Variants in NCOR1 observed in about 807,000 individuals in gnomAD.
NCOR1 encodes the protein protein phosphatase 1, regulatory subunit 109.
In NCOR1, 63 loss-of-function variants were observed where a neutral mutation model predicts 288.1. The ratio of observed to expected loss-of-function variants is 0.22; its 90% confidence interval spans 0.18 to 0.27. NCOR1 has a LOEUF of 0.27. Ranked by LOEUF, NCOR1 falls within the 10% of genes least tolerant of loss-of-function variation. The pLI, the probability that NCOR1 is intolerant of heterozygous loss-of-function variation, is 1.00. For missense variants in NCOR1, 2,397 were observed against 3,019.2 expected (o/e 0.79, Z 4.83); for synonymous variants, 1,007 against 1,065.9 (o/e 0.94, Z 1.08).
intron 1 of NCOR1, among the ~76,000 whole-genome samples, chr17:16,208,829 C>A (rs900619221): frequency 6.6e-6 from 1 of 151,792 alleles, no homozygotes; most frequent in Non-Finnish European, 1.5e-5. Context: ...CAGAGACAGA[C>A]CCTCTGTAAA....
Position 16,034,925 on chromosome 17 carries a change from C to T in NCOR1, c.6975G>A (p.Lys2325=). 5 of 1,613,902 alleles carry T rather than the reference C, an allele frequency of 3.1e-6. No homozygotes were observed. The highest frequency in any genetic ancestry group is 3.4e-6 in the Non-Finnish European group (4 of 1,179,970). ...TCCTGCTGTTTGACTTGCTGATCAG[C>T]TTTGGTTTGCAAACTCCTCCTGAAA... ...SPHSGGVCKP[K]LISKSNSRKS... The change falls in exon 45 of 46, where the codon AAG becomes AAA. Residue 2325 remains lysine (K), a synonymous_variant. Coordinates refer to ENST00000268712, the MANE Select transcript of NCOR1 (RefSeq NM_006311.4).
intron 2 of NCOR1, among the ~76,000 whole-genome samples, chr17:16,193,821 G>C (rs2089160225): frequency 6.6e-6 from 1 of 152,092 alleles, no homozygotes; most frequent in Non-Finnish European, 1.5e-5. Context: ...GGAGTCCTCA[G>C]GAGGACCCTG....
rs757508196 is a variant in NCOR1, at chr17:16,138,263, C to T, written c.1353-51G>A. ...CACTTGCGTACAAATATTTCAACAA[C>T]TAAAAAAAAAAAAACTTGGGAAAAG... On this transcript the variant is annotated intron_variant, in intron 12 of 45. Transcript: ENST00000268712. The T allele has an allele frequency of 6.4e-6, 9 of 1,406,550 alleles. No individual in the cohort carries two copies. In the African/African-American group the frequency reaches 8.9e-5, roughly 14 times the overall value. The allele number at this position is 1,406,550 out of a possible 1,614,324, so 87.1% of individuals were successfully genotyped here.
At chr17:16,072,700 C>T (rs1278849016) in intron 28 of NCOR1, among the ~76,000 whole-genome samples, 1 of 152,148 alleles carries the variant, frequency 6.6e-6, no homozygotes, top group Admixed American at 6.5e-5. Flanking sequence ...AAATATAAAT[C>T]AAGGGTTAGA....
At chr17:16,153,311 A>T (rs1160743528) in intron 7 of NCOR1, 28 bp downstream of exon 7, 6 of 1,506,740 alleles carry the variant, frequency 4.0e-6, no homozygotes, top group Non-Finnish European at 5.4e-6. Context: ...AAAAAAAAAA[A>T]TCACTGGAAA....
Position 16,064,065 on chromosome 17 carries a change from G to A in NCOR1, c.5221+3C>T, listed in dbSNP as rs2060840714. ...GAATGGAAGAGCAGTGCCTTTCACT[G>A]ACCTGGCCGCAGGTAGAGGTCGGAG... On this transcript the variant is annotated splice_donor_region_variant and intron_variant, in intron 35 of 45. Coordinates refer to ENST00000268712, the MANE Select transcript of NCOR1 (RefSeq NM_006311.4). 6.2e-7 allele frequency: 1 copy of A among 1,613,750 alleles called. No homozygotes were observed. Among genetic ancestry groups the A allele is most frequent in the African/African-American group, 1.3e-5 (1 of 74,890 alleles).
Position 16,071,422 on chromosome 17 carries a change from C to T in NCOR1, c.4139G>A (p.Gly1380Asp), listed in dbSNP as rs1408063489. The change falls in exon 30 of 46, where the codon GGT (glycine) becomes GAT (aspartate). Residue 1380 changes from glycine (G) to aspartate (D), a missense_variant. By Grantham distance (94) the Gly-to-Asp change is moderately conservative. Coordinates refer to ENST00000268712, the MANE Select transcript of NCOR1 (RefSeq NM_006311.4). ...AAACTTAGTTACCTGGGAAATGGAA[C>T]CCTCAATTATCGGCCGTGTGCTCTG... ...VVQSTRPIIE[G>D]SISQGTPIKF... 1.2e-6 allele frequency: 2 copies of T among 1,608,936 alleles called. No individual in the cohort carries two copies. Among genetic ancestry groups the T allele is most frequent in the Non-Finnish European group, 1.7e-6 (2 of 1,177,296 alleles).
rs1277428946 is a variant in NCOR1, at chr17:16,061,659, T to C, written c.5623A>G (p.Lys1875Glu). ...QLEQKTLEVEKRSVQCLYTSS... is the reference protein window; with the variant it reads ...QLEQKTLEVEERSVQCLYTSS... ...GTGTATAAACACTGAACAGATCTCT[T>C]CTCCACCTCCAGGGTTTTCTGCTCT... The change falls in exon 37 of 46, where the codon AAG becomes GAG. Residue 1875 changes from lysine to glutamate, a missense_variant. By Grantham distance (56) the Lys-to-Glu change is moderately conservative. Around this residue, in one of 11 missense-constraint regions of NCOR1, gnomAD observed 1,872 missense variants for 2,187.8 expected, o/e 0.86. Transcript: ENST00000268712. The C allele has an allele frequency of 6.2e-7, 1 of 1,614,200 alleles. No homozygotes were observed. Among genetic ancestry groups the C allele is most frequent in the East Asian group, 2.2e-5 (1 of 44,892 alleles).
At chr17:16,139,227 T>C (rs372504330) in intron 11 of NCOR1, 41 bp from the exon 12 acceptor site, 3 of 1,566,860 alleles carry the variant, frequency 1.9e-6, no homozygotes, top group East Asian at 2.3e-5. Flanking sequence ...AAACATAAAC[T>C]AGAAATTTAA....
chr17:16,108,349 G>GTTT, intron 19 of NCOR1: 7 of 211,678 alleles, frequency 3.3e-5, no homozygotes, highest in Admixed American at 5.5e-5. Context: ...TAAGTTTCGT[G>GTTT]TTTTTTTTTT....
In NCOR1 at chr17:16,039,590, A is replaced by G. The variant is rs371002943; in HGVS notation, c.6798T>C (p.Ile2266=). The change falls in exon 44 of 46, where the codon ATT becomes ATC. Residue 2266 remains isoleucine (I), a synonymous_variant. Coordinates refer to ENST00000268712, the MANE Select transcript of NCOR1 (RefSeq NM_006311.4). Reference sequence around the variant, plus strand: ...AGCTTCCCATGAGAGCCTTCCTGATAATGTCTTCCAGCCCAAGATTACTGG... The same window carrying G: ...AGCTTCCCATGAGAGCCTTCCTGATGATGTCTTCCAGCCCAAGATTACTGG... ...DPASNLGLED[I]IRKALMGSFD... 169 of 1,614,152 alleles carry G rather than the reference A, an allele frequency of 1.0e-4. No homozygotes were observed. Among genetic ancestry groups the G allele is most frequent in the Non-Finnish European group, 1.4e-4 (163 of 1,180,020 alleles).
chr17:16,163,560 C>A (rs1446910826), intron 5 of NCOR1, among the ~76,000 whole-genome samples: 1 of 152,030 alleles, frequency 6.6e-6, no homozygotes, highest in Non-Finnish European at 1.5e-5. Context: ...CCATATACTG[C>A]TGGTAAGAAT....
intron 18 of NCOR1, among the ~76,000 whole-genome samples, chr17:16,109,906 A>AC (rs1366661688): frequency 2.0e-5 from 3 of 152,008 alleles, no homozygotes; most frequent in Non-Finnish European, 4.4e-5. Context: ...GCTAATTTTC[A>AC]TGTTTTTAGT....
chr17:16,068,546 T>A (rs1018021891), intron 31 of NCOR1: 7 of 181,190 alleles, frequency 3.9e-5, no homozygotes, highest in Non-Finnish European at 7.0e-5. Flanking sequence ...ATCACTAGTT[T>A]CACTAATTTT....
intron 40 of NCOR1, 44 bp from the exon 41 acceptor site, chr17:16,049,032 C>T (rs754793006): frequency 2.0e-6 from 3 of 1,522,160 alleles, no homozygotes; most frequent in Admixed American, 3.7e-5. Context: ...CAAAGGCTAA[C>T]CTGGGACTTA....
At chr17:16,048,274 G>C (rs1273275448) in intron 41 of NCOR1, among the ~76,000 whole-genome samples, 1 of 152,124 alleles carries the variant, frequency 6.6e-6, no homozygotes, top group Admixed American at 6.5e-5. Context: ...GATGCAGAGG[G>C]AAGTGAAGCT....
chr17:16,190,543 G>T (rs959291570), intron 2 of NCOR1, among the ~76,000 whole-genome samples: 2 of 150,202 alleles, frequency 1.3e-5, no homozygotes, highest in South Asian at 2.1e-4. Flanking sequence ...GAGTTTCACC[G>T]TGTTAGCCAA....
chr17:16,161,366 T>C (rs1353626751), intron 5 of NCOR1, among the ~76,000 whole-genome samples: 2 of 152,158 alleles, frequency 1.3e-5, no homozygotes, highest in Non-Finnish European at 2.9e-5. Context: ...CTCAGCTCAC[T>C]GCAACCTCTG....
chr17:16,094,376 C>T (rs1424209492), intron 21 of NCOR1, among the ~76,000 whole-genome samples: 1 of 152,154 alleles, frequency 6.6e-6, no homozygotes, highest in Non-Finnish European at 1.5e-5. Context: ...GTGGTAAGTA[C>T]ACAATTAAAA....
Sources: gnomAD v4.1 joint callset for allele counts (sites outside exome capture counted in the v4.1 genomes callset) on GRCh38, gnomAD v4.1.1 for gene constraint, gnomAD v4.1.1 regional missense constraint, MANE v1.5 for transcripts, NCBI Gene and HGNC (gene_info 2026-07-23, HGNC 2026-07-21) for gene names.